HRH1: variants seen among roughly 807,000 people sequenced by gnomAD.
The protein encoded by HRH1 is histamine receptor H1.
HRH1 carries 6 observed loss-of-function variants against 10.3 expected under a neutral mutation model. The observed-to-expected ratio is 0.58, with a 90% CI of 0.32 to 1.15. The LOEUF is 1.15. Ranked by LOEUF, HRH1 falls within the 50% of genes most tolerant of loss-of-function variation. The probability of loss-of-function intolerance (pLI) is 0.05; values close to 1 mark genes in which losing one functional copy is unlikely to be tolerated. For missense variants in HRH1, 514 were observed against 615.3 expected (o/e 0.84, Z 1.74); for synonymous variants, 242 against 236.7 (o/e 1.02, Z -0.21).
chr3:11,171,647 G>A (rs1358430847), intron 1 of HRH1, among the ~76,000 whole-genome samples: 1 of 152,164 alleles, frequency 6.6e-6, no homozygotes, highest in African/African-American at 2.4e-5. Flanking sequence ...ATCTGCCTCT[G>A]GCATCCTGGC....
chr3:11,234,564 C>T (rs1156353019), intron 1 of HRH1: 2 of 1,441,412 alleles, frequency 1.4e-6, no homozygotes. Flanking sequence ...TCAATCCATG[C>T]TCCTCGTATG....
upstream of HRH1, among the ~76,000 whole-genome samples, chr3:11,150,981 CTG>C (rs1936602347): frequency 6.6e-6 from 1 of 152,232 alleles, no homozygotes; most frequent in African/African-American, 2.4e-5. Context: ...TCCAGGACCC[CTG>C]TTATCCTGCT....
In HRH1 at chr3:11,259,552, C is replaced by A; in HGVS notation, c.515C>A (p.Thr172Asn). ...ILGWNHFMQQ[T>N]SVRREDKCET... is the part of the protein sequence containing the mutation. ...GGCTGGAATCACTTCATGCAGCAGA[C>A]CTCGGTGCGCCGAGAGGACAAGTGT... The change falls in exon 2 of 2, where the codon ACC (threonine) becomes AAC (asparagine). Residue 172 changes from threonine (T) to asparagine (N), a missense_variant. Thr to Asn is a moderately conservative substitution (Grantham distance 65). Coordinates refer to ENST00000431010, the MANE Select transcript of HRH1 (RefSeq NM_001098212.2). The surrounding 1 kb of genome is among the most constrained non-coding windows in gnomAD (Gnocchi z 4.6). 2 of 1,614,106 alleles carry A rather than the reference C, an allele frequency of 1.2e-6. No homozygotes were observed. Among genetic ancestry groups the A allele is most frequent in the South Asian group, 1.1e-5 (1 of 91,078 alleles).
intron 1 of HRH1, among the ~76,000 whole-genome samples, chr3:11,244,097 C>T (rs958757730): frequency 6.6e-6 from 1 of 152,192 alleles, no homozygotes; most frequent in Non-Finnish European, 1.5e-5. Context: ...CCATGATCAT[C>T]AGGGACCTCA....
At chr3:11,233,271 G>T (rs1012281141) in intron 1 of HRH1, among the ~76,000 whole-genome samples, 6 of 151,092 alleles carry the variant, frequency 4.0e-5, no homozygotes, top group Non-Finnish European at 5.9e-5. Context: ...ACAGGACCCT[G>T]GAGTTCTGTT....
intron 1 of HRH1, among the ~76,000 whole-genome samples, chr3:11,212,630 C>A (rs553475371): frequency 2.2e-4 from 34 of 152,252 alleles, no homozygotes; most frequent in Admixed American, 2.2e-3. Flanking sequence ...CCCTTCCATG[C>A]GTTGTTTCTA....
chr3:11,252,913 T>A (rs374431004), intron 1 of HRH1: 115 of 152,298 alleles, frequency 7.6e-4, no homozygotes, highest in African/African-American at 2.7e-3. Flanking sequence ...GATAAATGTG[T>A]TCTTCGTCTG....
At chr3:11,175,023 C>T (rs1027653023) in intron 1 of HRH1, among the ~76,000 whole-genome samples, 7 of 152,130 alleles carry the variant, frequency 4.6e-5, no homozygotes, top group African/African-American at 1.7e-4. Context: ...GGACCCCTCT[C>T]CCCATCAGTG....
At chr3:11,144,593 A>G (rs1399195202) in intron 1 of HRH1, among the ~76,000 whole-genome samples, 3 of 151,220 alleles carry the variant, frequency 2.0e-5, no homozygotes, top group Non-Finnish European at 4.4e-5. Context: ...ACCAGAAGCC[A>G]TTATCATATG....
At position 11,256,443 on chromosome 3, in the gene HRH1, G is replaced by C. The variant is rs546590543; in HGVS notation, c.-35-2560G>C. Among the ~76,000 whole-genome samples, 18 of 152,188 alleles carry C rather than the reference G, an allele frequency of 1.2e-4. No individual in the cohort carries two copies. In the East Asian group the frequency reaches 1.3e-3, roughly 11 times the overall value. On this transcript the variant is annotated intron_variant, in intron 1 of 1. Coordinates refer to ENST00000431010, the MANE Select transcript of HRH1 (RefSeq NM_001098212.2). ...TTTTTCCAACAAAGACATTTAAAAG[G>C]TTCCTTCCACAAGGATCAAACACCT...
At chr3:11,155,180 G>A (rs7609602) in intron 1 of HRH1, among the ~76,000 whole-genome samples, 21,509 of 152,026 alleles carry the variant, frequency 0.14, 1,712 homozygotes, top group East Asian at 0.29. Context: ...GGAACTGTCC[G>A]GACCACCACC....
In HRH1 at chr3:11,262,504, G is replaced by A. The variant is rs200912406; in HGVS notation, c.*2003G>A. The A allele has an allele frequency of 4.8e-5, 8 of 167,118 alleles. No individual in the cohort carries two copies. The highest frequency in any genetic ancestry group is 1.4e-4 in the African/African-American group (6 of 41,554). The allele number at this position is 167,118 out of a possible 1,614,324, so 10.4% of individuals were successfully genotyped here. On this transcript the variant is annotated 3_prime_UTR_variant, in exon 2 of 2. Transcript: ENST00000431010. Reference sequence around the variant, plus strand: ...ATCCCCCAAACTTCTTGTTCAAAACGGGGGGAGTTTAGGAGACTTTAATCC... The same window carrying A: ...ATCCCCCAAACTTCTTGTTCAAAACAGGGGGAGTTTAGGAGACTTTAATCC...
chr3:11,181,679 TG>T (rs1443110375), intron 1 of HRH1, among the ~76,000 whole-genome samples: 1 of 144,574 alleles, frequency 6.9e-6, no homozygotes, highest in East Asian at 2.1e-4. Context: ...TCGCCCAGGC[TG>T]GAGCGCAGTG....
intron 1 of HRH1, among the ~76,000 whole-genome samples, chr3:11,250,125 C>A (rs1381319240): frequency 7.1e-6 from 1 of 140,280 alleles, no homozygotes; most frequent in Non-Finnish European, 1.5e-5. Context: ...TCACTGCAGG[C>A]TCCGACTCCC....
intron 1 of HRH1, among the ~76,000 whole-genome samples, chr3:11,183,699 T>C (rs1937399577): frequency 6.6e-6 from 1 of 151,924 alleles, no homozygotes; most frequent in Non-Finnish European, 1.5e-5. Context: ...CGTTTGCCTT[T>C]CCATGTTCTA....
chr3:11,154,103 A>T (rs1416653578), upstream of HRH1, among the ~76,000 whole-genome samples: 3 of 151,864 alleles, frequency 2.0e-5, no homozygotes, highest in Non-Finnish European at 4.4e-5. This position sits in a 1 kb window ranked among gnomAD's most constrained non-coding sequence, Gnocchi z 4.4. Context: ...CTTTGTCTTG[A>T]TTTATCTCTG....
chr3:11,196,598 G>T (rs1435693299), intron 1 of HRH1, among the ~76,000 whole-genome samples: 1 of 152,046 alleles, frequency 6.6e-6, no homozygotes, highest in African/African-American at 2.4e-5. Context: ...TAGCACATGG[G>T]AGTTGCCCTA....
chr3:11,203,007 C>T (rs1473740410), intron 1 of HRH1, among the ~76,000 whole-genome samples: 2 of 152,158 alleles, frequency 1.3e-5, no homozygotes, highest in Admixed American at 1.3e-4. Context: ...CCATATAGTA[C>T]GTAGCGTTTT....
intron 1 of HRH1, among the ~76,000 whole-genome samples, chr3:11,210,736 T>A (rs566484242): frequency 1.7e-4 from 25 of 149,934 alleles, no homozygotes; most frequent in Non-Finnish European, 3.2e-4. Context: ...GAGGTTGCAG[T>A]GAACCAAGAT....
Sources: gnomAD v4.1 joint callset for allele counts (sites outside exome capture counted in the v4.1 genomes callset) on GRCh38, gnomAD v4.1.1 for gene constraint, Gnocchi (gnomAD v3.1) non-coding constraint, MANE v1.5 for transcripts, NCBI Gene and HGNC (gene_info 2026-07-23, HGNC 2026-07-21) for gene names.